The following SYT14 variants were observed in gnomAD, a reference collection of about 807,000 sequenced individuals.
SYT14 encodes the protein synaptotagmin 14, also known as synaptotagmin-14.
In SYT14, 32 loss-of-function variants were observed where a neutral mutation model predicts 74.2. The observed-to-expected ratio is 0.43, with a 90% CI of 0.33 to 0.58. The LOEUF (loss-of-function observed/expected upper bound fraction) is 0.58, where lower values mean the gene tolerates loss of function less well. Ranked by LOEUF, SYT14 falls within the 20% of genes least tolerant of loss-of-function variation. The pLI is 0.05. For synonymous variants in SYT14, 298 were observed against 337.7 expected, an observed-to-expected ratio of 0.88 and a Z score of 1.29; for missense variants, 791 against 981.8, an observed-to-expected ratio of 0.81 and a Z score of 2.60.
intron 7 of SYT14, among the ~76,000 whole-genome samples, chr1:210,131,589 T>G (rs888440456): frequency 3.3e-5 from 5 of 151,820 alleles, no homozygotes; most frequent in African/African-American, 1.2e-4. Flanking sequence ...ACATTTATAT[T>G]TATTTCTATA....
At chr1:209,996,779 C>T (rs1005889452) in intron 2 of SYT14, among the ~76,000 whole-genome samples, 6 of 152,178 alleles carry the variant, frequency 3.9e-5, no homozygotes, top group African/African-American at 9.6e-5. Flanking sequence ...GATTAAGTAG[C>T]CTTCTTTCCT....
chr1:210,094,694 C>T, intron 6 of SYT14, 101 bp downstream of exon 5: 1 of 1,346,134 alleles, frequency 7.4e-7, no homozygotes, highest in East Asian at 2.4e-5. Flanking sequence ...ATCACTTATT[C>T]CTTTGTAACT....
intron 7 of SYT14, among the ~76,000 whole-genome samples, chr1:210,142,780 T>C (rs541459433): frequency 6.6e-6 from 1 of 152,234 alleles, no homozygotes; most frequent in South Asian, 2.1e-4. Context: ...TCCCACTGTT[T>C]GCATTCACGG....
At position 210,056,659 on chromosome 1, in the gene SYT14, C is replaced by CAAAAAAAAAAAAA. The variant is rs1196789715; in HGVS notation, c.1312+35410_1312+35422dup. Among the ~76,000 whole-genome samples the CAAAAAAAAAAAAA allele has an allele frequency of 1.2e-3, 99 of 79,368 alleles. 7 individuals carry two copies. In the East Asian group the frequency reaches 0.016, roughly 13 times the overall value. The allele number at this position is 79,368 out of a possible 152,430, so 52.1% of individuals were successfully genotyped here. On this transcript the variant is annotated intron_variant, in intron 5 of 9. Transcript: ENST00000637265. The stretch of plus-strand genomic sequence containing the variant: ...TGAAACCCCGTCTCTACTAAAAATA[C>CAAAAAAAAAAAAA]AAAAAAAAAAAAAAAAATTAGCCGG...
intron 2 of SYT14, among the ~76,000 whole-genome samples, chr1:209,987,416 C>T (rs2079590890): frequency 6.6e-6 from 1 of 152,198 alleles, no homozygotes; most frequent in Admixed American, 6.5e-5. Flanking sequence ...GAAGCTTTTA[C>T]TAATAGTGGG....
At chr1:210,093,224 C>T (rs188632647) in intron 5 of SYT14, among the ~76,000 whole-genome samples, 96 of 151,878 alleles carry the variant, frequency 6.3e-4, no homozygotes, top group Non-Finnish European at 1.2e-3. Context: ...TTAAATGAAG[C>T]TTATAGTTCT....
rs200087271 is a variant in SYT14 at position 210,088,181 on chromosome 1, C to CT, written c.1313-6131dup. Among the ~76,000 whole-genome samples the CT allele has an allele frequency of 1.1e-4, 15 of 138,786 alleles. No homozygotes were observed. In the East Asian group the frequency reaches 1.3e-3, roughly 12 times the overall value. The allele number at this position is 138,786 out of a possible 152,430, so 91.0% of individuals were successfully genotyped here. On this transcript the variant is annotated intron_variant, in intron 5 of 9. Coordinates refer to ENST00000637265, the Ensembl canonical transcript of SYT14. ...GGATTTAATTTGCTGTTTTTGTTAA[C>CT]TTTTTTTTTTACAGTGAGTTTTTTT... is the stretch of plus-strand genomic sequence containing the variant.
chr1:209,980,479 T>C (rs774146137), intron 2 of SYT14, among the ~76,000 whole-genome samples: 26 of 152,232 alleles, frequency 1.7e-4, no homozygotes, highest in South Asian at 4.1e-4. Context: ...GTTTTTGCTT[T>C]TGTTGCAATT....
At chr1:210,138,553 T>C (rs900992433) in intron 7 of SYT14, among the ~76,000 whole-genome samples, 2 of 152,208 alleles carry the variant, frequency 1.3e-5, no homozygotes, top group Non-Finnish European at 2.9e-5. Flanking sequence ...GGAATAGCTA[T>C]AGGTTGGTGT....
At chr1:210,013,612 T>A (rs554651530) in intron 2 of SYT14, 21 bp from the exon 3 acceptor site, 1 of 1,607,636 alleles carries the variant, frequency 6.2e-7, no homozygotes, top group African/African-American at 1.3e-5. Flanking sequence ...TGCTTACAGC[T>A]GTGACTTTTT....
chr1:210,087,205 T>G (rs1489959236), intron 5 of SYT14, among the ~76,000 whole-genome samples: 1 of 152,094 alleles, frequency 6.6e-6, no homozygotes, highest in Non-Finnish European at 1.5e-5. Flanking sequence ...TTCACCCCAC[T>G]TCGCCACACT....
intron 7 of SYT14, among the ~76,000 whole-genome samples, chr1:210,120,770 G>A (rs1454916800): frequency 6.6e-6 from 1 of 152,026 alleles, no homozygotes; most frequent in Non-Finnish European, 1.5e-5. Context: ...TTTATGGATA[G>A]CAGCATATTA....
At position 210,055,456 on chromosome 1, in the gene SYT14, C is replaced by T. The variant is rs147018542; in HGVS notation, c.1312+34202C>T. Among the ~76,000 whole-genome samples the T allele has an allele frequency of 3.3e-5, 5 of 152,118 alleles. No homozygotes were observed. The East Asian group carries it at 9.7e-4, about 29-fold the overall frequency. On this transcript the variant is annotated intron_variant, in intron 5 of 9. Coordinates refer to ENST00000637265, the Ensembl canonical transcript of SYT14. ...CTATCTAAAAAATGGGAACAGCTAGCTTTTAATTGATGTTTTATTGATTGA... is the reference window on the plus strand; with the variant it reads ...CTATCTAAAAAATGGGAACAGCTAGTTTTTAATTGATGTTTTATTGATTGA...
intron 7 of SYT14, among the ~76,000 whole-genome samples, chr1:210,101,434 A>G (rs1049150842): frequency 3.3e-5 from 5 of 152,108 alleles, no homozygotes; most frequent in Admixed American, 2.6e-4. Context: ...TACATCAGGC[A>G]ACATTTTATG....
intron 7 of SYT14, among the ~76,000 whole-genome samples, chr1:210,146,573 A>G (rs540426191): frequency 2.0e-5 from 3 of 152,106 alleles, no homozygotes; most frequent in Non-Finnish European, 4.4e-5. Flanking sequence ...GCAACTCAAT[A>G]TATGTGAGCA....
At chr1:210,012,037 A>G (rs999616751) in intron 2 of SYT14, among the ~76,000 whole-genome samples, 3 of 152,140 alleles carry the variant, frequency 2.0e-5, no homozygotes, top group African/African-American at 7.2e-5. Context: ...CTTGAGACCA[A>G]ATTCTCTTGA....
exon 6 of SYT14, chr1:210,094,323 A>C: frequency 1.2e-6 from 2 of 1,613,798 alleles, no homozygotes; most frequent in Non-Finnish European, 8.5e-7. Flanking sequence ...CATTATCAGG[A>C]AACTGCATTC....
At chr1:210,166,782 G>C (rs546523634) in exon 10 of SYT14, 1 of 152,112 alleles carries the variant, frequency 6.6e-6, no homozygotes, top group African/African-American at 2.4e-5. Context: ...GAGATCTATT[G>C]ATATAGAATA....
In SYT14 at chr1:210,034,470, A is replaced by ATG; in HGVS notation, c.1312+13216_1312+13217insTG. On this transcript the variant is annotated intron_variant, in intron 5 of 9. Transcript: ENST00000637265. ...ATATTTTTAAATAGATGTAAGGGGT[A>ATG]CAAGTACAGTGTTGTTGCATAGATA... 5.9e-5 allele frequency among the ~76,000 whole-genome samples: 9 copies of ATG among 151,748 alleles called. No homozygotes were observed. The South Asian group carries it at 1.9e-3, about 31-fold the overall frequency.
Sources: allele counts gnomAD v4.1 joint callset (sites outside exome capture counted in the v4.1 genomes callset), GRCh38; gene constraint gnomAD v4.1.1; transcripts MANE v1.5; gene names NCBI Gene and HGNC (gene_info 2026-07-23, HGNC 2026-07-21).